Variants in PITPNC1 observed in about 807,000 individuals in gnomAD.
The protein encoded by PITPNC1 is phosphatidylinositol transfer protein cytoplasmic 1.
PITPNC1 carries 18 observed loss-of-function variants against 44.7 expected under a neutral mutation model. The observed-to-expected ratio is 0.40, with a 90% CI of 0.28 to 0.60. The LOEUF (loss-of-function observed/expected upper bound fraction) is 0.60. Among genes scored for constraint, PITPNC1 ranks in the 20% least tolerant of loss-of-function variants. The pLI, the probability that PITPNC1 is intolerant of heterozygous loss-of-function variation, is 0.39. For synonymous variants in PITPNC1, 141 were observed against 149.6 expected (o/e 0.94, Z 0.42); for missense variants, 290 against 418.4 (o/e 0.69, Z 2.68).
chr17:67,440,184 C>G (rs1333094759), intron 1 of PITPNC1, among the ~76,000 whole-genome samples: 1 of 152,224 alleles, frequency 6.6e-6, no homozygotes, highest in East Asian at 1.9e-4. Flanking sequence ...TATTTTGATG[C>G]AATATTTTTA....
intron 6 of PITPNC1, 86 bp from the exon 7 acceptor site, chr17:67,669,422 C>A: frequency 9.9e-7 from 1 of 1,012,988 alleles, no homozygotes; most frequent in Non-Finnish European, 1.4e-6. Context: ...AGCCCTATTT[C>A]TATGTTATTT....
At chr17:67,470,150 T>C (rs1053164616) in intron 1 of PITPNC1, among the ~76,000 whole-genome samples, 5 of 152,168 alleles carry the variant, frequency 3.3e-5, no homozygotes, top group Admixed American at 2.6e-4. Context: ...TTCAAGCTCC[T>C]GACCTCGAGT....
intron 1 of PITPNC1, among the ~76,000 whole-genome samples, chr17:67,485,343 G>T (rs1440497848): frequency 6.7e-6 from 1 of 149,252 alleles, no homozygotes. Context: ...CTAGAATTGT[G>T]TACTGAGAGT....
intron 6 of PITPNC1, among the ~76,000 whole-genome samples, chr17:67,645,747 A>AT (rs1227563718): frequency 6.6e-6 from 1 of 152,208 alleles, no homozygotes; most frequent in Admixed American, 6.5e-5. Flanking sequence ...TAATTATAAC[A>AT]TAAGTTTGTG....
intron 1 of PITPNC1, among the ~76,000 whole-genome samples, chr17:67,410,823 A>G (rs2038484052): frequency 1.3e-5 from 2 of 151,930 alleles, no homozygotes; most frequent in South Asian, 4.2e-4. Flanking sequence ...GGTGGCTCAC[A>G]CCTGTAATCC....
intron 1 of PITPNC1, among the ~76,000 whole-genome samples, chr17:67,401,159 T>G (rs1489589868): frequency 3.3e-5 from 5 of 152,170 alleles, no homozygotes; most frequent in African/African-American, 9.6e-5. Flanking sequence ...GGTCTCAAAC[T>G]CCTGACCTCA....
chr17:67,593,677 G>A (rs889182891), intron 5 of PITPNC1, among the ~76,000 whole-genome samples: 2 of 152,142 alleles, frequency 1.3e-5, no homozygotes, highest in South Asian at 2.1e-4. Flanking sequence ...GAGATTACAG[G>A]CGTGAGCCAT....
Position 67,572,971 on chromosome 17 carries a change from A to G in PITPNC1, c.295-5215A>G, listed in dbSNP as rs542965722. On this transcript the variant is annotated intron_variant, in intron 4 of 8. Transcript: ENST00000581322. Reference sequence around the variant, plus strand: ...ACCAACAGCTGGAAGAGACAAGGACAGATTCTCTCCCAGAGTCTTCAGAGG... The same window carrying G: ...ACCAACAGCTGGAAGAGACAAGGACGGATTCTCTCCCAGAGTCTTCAGAGG... Among the ~76,000 whole-genome samples, 27 of 152,330 alleles carry G rather than the reference A, an allele frequency of 1.8e-4. 1 individual carries two copies. The South Asian group carries it at 5.4e-3, about 30-fold the overall frequency.
chr17:67,641,068 G>T (rs2042088064), intron 6 of PITPNC1, among the ~76,000 whole-genome samples: 1 of 152,140 alleles, frequency 6.6e-6, no homozygotes, highest in South Asian at 2.1e-4. Context: ...ACGGAGCAAG[G>T]CAGCAAGAGA....
chr17:67,388,834 G>T (rs2038093574), intron 1 of PITPNC1, among the ~76,000 whole-genome samples: 1 of 152,196 alleles, frequency 6.6e-6, no homozygotes, highest in Non-Finnish European at 1.5e-5. Flanking sequence ...AGGCCAGGCT[G>T]GTCTCGAACT....
intron 6 of PITPNC1, among the ~76,000 whole-genome samples, chr17:67,654,879 C>A (rs543112745): frequency 6.6e-6 from 1 of 152,036 alleles, no homozygotes; most frequent in Admixed American, 6.6e-5. Context: ...GTGATCTGCC[C>A]GCCTCATCCT....
chr17:67,599,011 T>C (rs1173267278), intron 5 of PITPNC1, among the ~76,000 whole-genome samples: 1 of 22,848 alleles, frequency 4.4e-5, no homozygotes, highest in Non-Finnish European at 1.2e-4. Context: ...CATATATATA[T>C]ATATATATAT....
chr17:67,549,080 A>G (rs1221737343), intron 2 of PITPNC1, among the ~76,000 whole-genome samples: 1 of 152,220 alleles, frequency 6.6e-6, no homozygotes, highest in Non-Finnish European at 1.5e-5. Context: ...GTATTTAAAT[A>G]GCGCATCATG....
At chr17:67,608,400 C>T (rs1488169935) in intron 5 of PITPNC1, among the ~76,000 whole-genome samples, 1 of 151,802 alleles carries the variant, frequency 6.6e-6, no homozygotes, top group Non-Finnish European at 1.5e-5. Flanking sequence ...AATAAATAAA[C>T]ATTCATGATT....
chr17:67,506,753 A>T (rs1478216185), intron 1 of PITPNC1, among the ~76,000 whole-genome samples: 1 of 152,176 alleles, frequency 6.6e-6, no homozygotes, highest in East Asian at 1.9e-4. Context: ...TTATGCAACC[A>T]TTGATAATTT....
intron 5 of PITPNC1, among the ~76,000 whole-genome samples, chr17:67,583,359 G>A (rs1369955823): frequency 2.0e-5 from 3 of 151,990 alleles, no homozygotes; most frequent in Admixed American, 6.6e-5. Flanking sequence ...AGGCCGAGGC[G>A]GGAGGATGGC....
At chr17:67,607,647 C>G (rs2041625502) in intron 5 of PITPNC1, among the ~76,000 whole-genome samples, 1 of 152,084 alleles carries the variant, frequency 6.6e-6, no homozygotes, top group Non-Finnish European at 1.5e-5. Flanking sequence ...CCTCTCCATA[C>G]ATATTTACAT....
chr17:67,399,584 GC>G (rs2038276995), intron 1 of PITPNC1, among the ~76,000 whole-genome samples: 1 of 152,054 alleles, frequency 6.6e-6, no homozygotes, highest in African/African-American at 2.4e-5. Flanking sequence ...AAAATAAACA[GC>G]AAGTAATAAG....
chr17:67,484,199 C>T lies in PITPNC1; in HGVS notation c.49-48603C>T, dbSNP rs184757333. On this transcript the variant is annotated intron_variant, in intron 1 of 8. Coordinates refer to ENST00000581322, the MANE Select transcript of PITPNC1 (RefSeq NM_012417.4). ...TCCCAAATTACTGGGATTACAGGGG[C>T]GAGCCTCCACACCCAGCCTGTTAAT... 3.5e-3 allele frequency among the ~76,000 whole-genome samples: 529 copies of T among 152,066 alleles called. 4 individuals are homozygous for T. Among genetic ancestry groups the T allele is most frequent in the Non-Finnish European group, 4.9e-3 (335 of 67,972 alleles).
Sources: allele counts gnomAD v4.1 joint callset (sites outside exome capture counted in the v4.1 genomes callset), GRCh38; gene constraint gnomAD v4.1.1; transcripts MANE v1.5; gene names NCBI Gene and HGNC (gene_info 2026-07-23, HGNC 2026-07-21).